The following EPHA6 variants were observed in gnomAD, a reference collection of about 807,000 sequenced individuals.
EPHA6 encodes the protein ephrin type-A receptor 6.
A neutral mutation model predicts 112.0 loss-of-function variants in EPHA6; 50 were observed. That is an observed-to-expected ratio of 0.45 (90% CI 0.36 to 0.56). EPHA6 has a LOEUF of 0.56. Among genes scored for constraint, EPHA6 ranks in the 20% least tolerant of loss-of-function variants. The probability of loss-of-function intolerance (pLI) is 0.00; values close to 1 mark genes in which losing one functional copy is unlikely to be tolerated. For synonymous variants in EPHA6, 529 were observed against 490.7 expected (o/e 1.08, Z -1.03); for missense variants, 1,280 against 1,417.4 (o/e 0.90, Z 1.56).
At chr3:97,583,697 G>A (rs2093462518) in intron 11 of EPHA6, among the ~76,000 whole-genome samples, 1 of 152,196 alleles carries the variant, frequency 6.6e-6, no homozygotes, top group African/African-American at 2.4e-5. Context: ...ATATTATTCA[G>A]ATGTCACTTC....
At chr3:97,176,679 A>G (rs2076844160) in intron 3 of EPHA6, among the ~76,000 whole-genome samples, 1 of 151,840 alleles carries the variant, frequency 6.6e-6, no homozygotes, top group Non-Finnish European at 1.5e-5. Flanking sequence ...ATTTATTGGC[A>G]TATAGTTGCT....
intron 14 of EPHA6, chr3:97,646,026 C>A: frequency 1.0e-6 from 1 of 960,560 alleles, no homozygotes; most frequent in Non-Finnish European, 1.4e-6. Context: ...AAAAAAATAT[C>A]TTTAGAACAG....
In EPHA6 at chr3:97,245,101, A is replaced by T. The variant is rs138717317; in HGVS notation, c.1606+814A>T. On this transcript the variant is annotated intron_variant, in intron 5 of 17. Transcript: ENST00000389672. ...ATGAACACATATATGAGAAAAATTT[A>T]TAAAGATAAAACTATTTTTATACAC... Among the ~76,000 whole-genome samples the T allele has an allele frequency of 6.4e-3, 971 of 152,202 alleles. 12 individuals are homozygous for T. The highest frequency in any genetic ancestry group is 0.023 in the African/African-American group (935 of 41,548).
At chr3:97,122,373 C>T (rs972296945) in intron 3 of EPHA6, among the ~76,000 whole-genome samples, 10 of 151,900 alleles carry the variant, frequency 6.6e-5, no homozygotes, top group Non-Finnish European at 1.2e-4. Flanking sequence ...TATTGAATTA[C>T]GTGTATTTTT....
intron 15 of EPHA6, among the ~76,000 whole-genome samples, chr3:97,731,812 C>T (rs1283646206): frequency 1.3e-5 from 2 of 152,000 alleles, no homozygotes; most frequent in Non-Finnish European, 2.9e-5. Flanking sequence ...CATCATCACT[C>T]CAACCCGAGA....
At chr3:97,611,387 C>T (rs2093719154) in intron 13 of EPHA6, among the ~76,000 whole-genome samples, 1 of 151,620 alleles carries the variant, frequency 6.6e-6, no homozygotes, top group South Asian at 2.1e-4. Flanking sequence ...ATTTCTTTTA[C>T]AAAAACATTA....
At chr3:97,314,733 AAGG>A (rs1417280396) in intron 5 of EPHA6, among the ~76,000 whole-genome samples, 1 of 151,704 alleles carries the variant, frequency 6.6e-6, no homozygotes, top group Non-Finnish European at 1.5e-5. Context: ...AGGGAAGCAG[AAGG>A]AGTAGGAAGG....
At chr3:97,156,059 G>C (rs2076281760) in intron 3 of EPHA6, among the ~76,000 whole-genome samples, 1 of 152,108 alleles carries the variant, frequency 6.6e-6, no homozygotes, top group Admixed American at 6.6e-5. Flanking sequence ...GCCATATAAG[G>C]TAATGTTTTC....
At chr3:96,901,970 A>G (rs981735525) in intron 2 of EPHA6, among the ~76,000 whole-genome samples, 2 of 152,214 alleles carry the variant, frequency 1.3e-5, no homozygotes, top group African/African-American at 4.8e-5. Context: ...TGTGCTTACA[A>G]ATAAGTCACA....
chr3:96,896,698 A>C (rs770664931), intron 2 of EPHA6, among the ~76,000 whole-genome samples: 1 of 152,128 alleles, frequency 6.6e-6, no homozygotes, highest in African/African-American at 2.4e-5. Flanking sequence ...TCATTTTCCT[A>C]TCTTGGGAAG....
chr3:97,718,466 T>A (rs1037185649), intron 14 of EPHA6, among the ~76,000 whole-genome samples: 1 of 152,218 alleles, frequency 6.6e-6, no homozygotes, highest in Admixed American at 6.5e-5. Flanking sequence ...TGGTTTTTTT[T>A]AAGTATAAAT....
intron 2 of EPHA6, among the ~76,000 whole-genome samples, chr3:96,945,878 T>A (rs562160290): frequency 6.6e-6 from 1 of 152,258 alleles, no homozygotes; most frequent in Non-Finnish European, 1.5e-5. Flanking sequence ...GGATTCACAC[T>A]TTTTGTTGTA....
chr3:97,190,660 G>T (rs1362396031), intron 3 of EPHA6, among the ~76,000 whole-genome samples: 1 of 151,870 alleles, frequency 6.6e-6, no homozygotes, highest in Non-Finnish European at 1.5e-5. Flanking sequence ...TATATGTATA[G>T]ATTGTGGAAT....
chr3:97,601,843 T>C (rs2093645860), intron 12 of EPHA6, among the ~76,000 whole-genome samples: 1 of 152,098 alleles, frequency 6.6e-6, no homozygotes, highest in Admixed American at 6.6e-5. Flanking sequence ...TATATTCTGT[T>C]TGGGGTTTAT....
chr3:96,948,464 T>G (rs2107712130), intron 2 of EPHA6, among the ~76,000 whole-genome samples: 1 of 152,342 alleles, frequency 6.6e-6, no homozygotes, highest in East Asian at 1.9e-4. Flanking sequence ...ATGTTACTTT[T>G]TATTTCCCTG....
intron 1 of EPHA6, among the ~76,000 whole-genome samples, chr3:96,824,392 A>ATCTT (rs898368346): frequency 1.3e-5 from 2 of 151,840 alleles, no homozygotes; most frequent in Admixed American, 1.3e-4. Context: ...ATCTGTAGTT[A>ATCTT]TCTTTGGGTT....
chr3:97,596,889 T>TAC (rs1294414366), intron 12 of EPHA6, among the ~76,000 whole-genome samples: 11 of 138,240 alleles, frequency 8.0e-5, no homozygotes, highest in African/African-American at 2.9e-4. Flanking sequence ...TATATATATA[T>TAC]ATATATATAT....
chr3:96,835,803 T>C (rs1300411204), intron 1 of EPHA6, among the ~76,000 whole-genome samples: 1 of 152,112 alleles, frequency 6.6e-6, no homozygotes, highest in Non-Finnish European at 1.5e-5. Context: ...AGACTCTTAA[T>C]TATTAAGTAT....
intron 10 of EPHA6, among the ~76,000 whole-genome samples, chr3:97,521,198 CTT>C (rs137956926): frequency 7.1e-6 from 1 of 140,062 alleles, no homozygotes; most frequent in African/African-American, 2.6e-5. Flanking sequence ...TTATAAATTT[CTT>C]TTTTTTTTTG....
Sources: gnomAD v4.1 joint callset for allele counts (sites outside exome capture counted in the v4.1 genomes callset) on GRCh38, gnomAD v4.1.1 for gene constraint, MANE v1.5 for transcripts, NCBI Gene and HGNC (gene_info 2026-07-23, HGNC 2026-07-21) for gene names.